The following RADIL variants were observed in gnomAD, a reference collection of about 807,000 sequenced individuals.
RADIL encodes the protein Rap associating with DIL domain.
In RADIL, 99 loss-of-function variants were observed where a neutral mutation model predicts 97.6. The observed-to-expected ratio is 1.01, with a 90% CI of 0.86 to 1.20. The LOEUF (loss-of-function observed/expected upper bound fraction) is 1.20. RADIL is among the 50% of genes most tolerant of loss of function. The probability of loss-of-function intolerance (pLI) is 0.00; values close to 1 mark genes in which losing one functional copy is unlikely to be tolerated. For synonymous variants in RADIL, 803 were observed against 691.8 expected (o/e 1.16, Z -2.52); for missense variants, 1,765 against 1,498.9 (o/e 1.18, Z -2.93).
rs2115002966 is a variant in RADIL, at chr7:4,835,744, G to A, written c.784-505C>T. Among the ~76,000 whole-genome samples, 1 of 152,134 alleles carries A rather than the reference G, an allele frequency of 6.6e-6. No individual in the cohort carries two copies. Among genetic ancestry groups the A allele is most frequent in the East Asian group, 1.9e-4 (1 of 5,162 alleles). ...GTGCTCATGGAAATGAGCAGCAAAG[G>A]AGCTGGCTGCACAGGAGGGCGGGGG... is the stretch of plus-strand genomic sequence containing the variant. On this transcript the variant is annotated intron_variant, in intron 3 of 14. Coordinates refer to ENST00000399583, the MANE Select transcript of RADIL (RefSeq NM_018059.5). This position sits in a 1 kb window ranked among gnomAD's most constrained non-coding sequence, Gnocchi z 5.8.
chr7:4,869,930 A>C (rs534978639), intron 2 of RADIL, among the ~76,000 whole-genome samples: 1 of 152,240 alleles, frequency 6.6e-6, no homozygotes, highest in Non-Finnish European at 1.5e-5. Context: ...CAGGAGTTCA[A>C]GACCATGCTG....
intron 1 of RADIL, among the ~76,000 whole-genome samples, chr7:4,881,142 A>G (rs536059453): frequency 5.9e-5 from 8 of 136,210 alleles, no homozygotes; most frequent in African/African-American, 1.1e-4. Flanking sequence ...ATGGCTGGGC[A>G]CGGTGGCTCA....
chr7:4,801,724 C>T lies in RADIL; in HGVS notation c.2771G>A (p.Gly924Asp). Residue 924 changes from glycine to aspartate, a missense_variant, in exon 12 of 15, where the codon GGC becomes GAC. Transcript: ENST00000399583. ...CTCTGGGAGCGCTTTTCCACAGGGG[C>T]CGCCGGACTCTGGCCAGTCGGGGTC... ...PGDPDWPESG[G>D]PCGKALPERQ... 6.2e-7 allele frequency: 1 copy of T among 1,610,236 alleles called. No homozygotes were observed. The highest frequency in any genetic ancestry group is 8.5e-7 in the Non-Finnish European group (1 of 1,179,014).
At chr7:4,863,882 C>G (rs183717364) in intron 2 of RADIL, among the ~76,000 whole-genome samples, 1 of 152,316 alleles carries the variant, frequency 6.6e-6, no homozygotes, top group African/African-American at 2.4e-5. Flanking sequence ...CAAGACTGGC[C>G]AATGCCTCTA....
rs528192180 is a variant in RADIL at position 4,860,130 on chromosome 7, C to G, written c.535+17475G>C. 344 of 1,613,952 alleles carry G rather than the reference C, an allele frequency of 2.1e-4. 4 individuals are homozygous for G. The South Asian group carries it at 2.7e-3, about 13-fold the overall frequency. On this transcript the variant is annotated intron_variant, in intron 2 of 14. Coordinates refer to ENST00000399583, the MANE Select transcript of RADIL (RefSeq NM_018059.5). ...TTAGCCACAGATGCTGTCATTACAG[C>G]CAAGGCAGGACTGTTTCTACCCTGA...
In RADIL at chr7:4,802,166, C is replaced by A. The variant is rs927084165; in HGVS notation, c.2500-171G>T. ...CGCGCAAGAGGCAAAGGGGCTTCCCCGCCATCCGGAGCACAGCCTGCGCTG... is the reference window on the plus strand; with the variant it reads ...CGCGCAAGAGGCAAAGGGGCTTCCCAGCCATCCGGAGCACAGCCTGCGCTG... On this transcript the variant is annotated intron_variant, in intron 11 of 14. Coordinates refer to ENST00000399583, the MANE Select transcript of RADIL (RefSeq NM_018059.5). 9.2e-5 allele frequency among the ~76,000 whole-genome samples: 14 copies of A among 152,198 alleles called. No homozygotes were observed. In the East Asian group the frequency reaches 2.5e-3, roughly 27 times the overall value.
chr7:4,844,503 T>C (rs1395629370), intron 2 of RADIL, among the ~76,000 whole-genome samples: 2 of 152,164 alleles, frequency 1.3e-5, no homozygotes, highest in Non-Finnish European at 2.9e-5. Context: ...GACAATGTGA[T>C]TGTGTATGTA....
At chr7:4,856,037 G>A (rs2115026498) in intron 2 of RADIL, among the ~76,000 whole-genome samples, 1 of 152,118 alleles carries the variant, frequency 6.6e-6, no homozygotes, top group African/African-American at 2.4e-5. Flanking sequence ...TCAAACTCCT[G>A]GCCTCAAGTG....
chr7:4,882,173 C>G (rs1436585511), intron 1 of RADIL: 1 of 152,244 alleles, frequency 6.6e-6, no homozygotes, highest in Non-Finnish European at 1.5e-5. Context: ...TTGGCCAGAC[C>G]AGAGGGTGCC....
At chr7:4,809,111 G>T (rs1454108796) in intron 9 of RADIL, 2 of 984,616 alleles carry the variant, frequency 2.0e-6, no homozygotes, top group Admixed American at 6.2e-5. Context: ...GATGCGGGGC[G>T]CAGGACAGGC....
intron 9 of RADIL, chr7:4,809,559 C>G (rs1782476970): frequency 1.0e-6 from 1 of 985,374 alleles, no homozygotes; most frequent in Admixed American, 6.1e-5. Context: ...CGCCCAGGCA[C>G]CACGGCAGGT....
In RADIL at chr7:4,881,203, C is replaced by T. The variant is rs187973448; in HGVS notation, c.-65+2393G>A. ...GGCTGAGGCGGGCAGATCACGAGGTCAGCAGATCGAGACCATCCTGGCTAA... is the reference window on the plus strand; with the variant it reads ...GGCTGAGGCGGGCAGATCACGAGGTTAGCAGATCGAGACCATCCTGGCTAA... On this transcript the variant is annotated intron_variant, in intron 1 of 14. Coordinates refer to ENST00000399583, the MANE Select transcript of RADIL (RefSeq NM_018059.5). 1.9e-3 allele frequency among the ~76,000 whole-genome samples: 272 copies of T among 140,286 alleles called. 2 individuals carry two copies. Among genetic ancestry groups the T allele is most frequent in the African/African-American group, 6.9e-3 (255 of 37,046 alleles). 92.0% of individuals were successfully genotyped at this position (140,286 alleles called of 152,430 possible). A position where few individuals can be genotyped will look rare whatever the true frequency, so the allele number is the denominator to read the frequency against.
chr7:4,827,351 C>T (rs567997791), intron 5 of RADIL, among the ~76,000 whole-genome samples: 257 of 140,416 alleles, frequency 1.8e-3, no homozygotes, highest in Non-Finnish European at 2.4e-3. Flanking sequence ...GACGACAGAG[C>T]GAGACTGTCT....
chr7:4,846,349 G>A (rs1783572940), intron 2 of RADIL, among the ~76,000 whole-genome samples: 1 of 151,968 alleles, frequency 6.6e-6, no homozygotes, highest in African/African-American at 2.4e-5. Flanking sequence ...GTTTCACCAT[G>A]TTGTCCAGTG....
chr7:4,801,613 T>A (rs530336882), intron 12 of RADIL, 40 bp downstream of exon 12: 3 of 1,547,032 alleles, frequency 1.9e-6, no homozygotes, highest in Non-Finnish European at 2.6e-6. Flanking sequence ...CTGTGCGGGG[T>A]CTGGGGTGGG....
chr7:4,827,379 GC>G (rs1390871583), intron 5 of RADIL, among the ~76,000 whole-genome samples: 1 of 150,434 alleles, frequency 6.6e-6, no homozygotes, highest in Non-Finnish European at 1.5e-5. Context: ...AAAAAAAAGG[GC>G]CGGGTGCGGT....
intron 2 of RADIL, among the ~76,000 whole-genome samples, chr7:4,856,277 T>G (rs779701296): frequency 3.9e-5 from 6 of 151,934 alleles, no homozygotes; most frequent in Non-Finnish European, 8.8e-5. Flanking sequence ...ACCCAGCTAA[T>G]TTTTGTATTT....
intron 2 of RADIL, among the ~76,000 whole-genome samples, chr7:4,875,252 G>A (rs577643702): frequency 1.5e-5 from 2 of 134,654 alleles, no homozygotes; most frequent in Non-Finnish European, 1.5e-5. Flanking sequence ...TTAGCCGGGC[G>A]TGGTGGTGGT....
intron 8 of RADIL, 114 bp downstream of exon 8, chr7:4,816,114 G>T: frequency 3.2e-6 from 3 of 943,952 alleles, no homozygotes; most frequent in Non-Finnish European, 5.0e-6. Flanking sequence ...CGCTCAGGGA[G>T]CAGGAGGCCA....
Sources: allele counts gnomAD v4.1 joint callset (sites outside exome capture counted in the v4.1 genomes callset), GRCh38; gene constraint gnomAD v4.1.1; non-coding constraint Gnocchi (gnomAD v3.1); transcripts MANE v1.5; gene names NCBI Gene and HGNC (gene_info 2026-07-23, HGNC 2026-07-21).